The following CTTNBP2NL variants were observed in gnomAD, a reference collection of about 807,000 sequenced individuals.
The protein encoded by CTTNBP2NL is CTTNBP2 N-terminal-like protein.
Under a neutral mutation model 32.5 loss-of-function variants are expected in CTTNBP2NL, and 16 were observed. The observed-to-expected ratio is 0.49, with a 90% CI of 0.33 to 0.75. The LOEUF (loss-of-function observed/expected upper bound fraction) is 0.75, where lower values mean the gene tolerates loss of function less well. CTTNBP2NL is among the 30% of genes least tolerant of loss of function. CTTNBP2NL has a pLI of 0.02. For missense variants in CTTNBP2NL, 645 were observed against 756.0 expected (o/e 0.85, Z 1.72); for synonymous variants, 298 against 289.4 (o/e 1.03, Z -0.30).
intron 3 of CTTNBP2NL, among the ~76,000 whole-genome samples, chr1:112,419,844 T>C (rs1190575590): frequency 6.6e-6 from 1 of 152,208 alleles, no homozygotes; most frequent in East Asian, 1.9e-4. Flanking sequence ...CTAACAGTTC[T>C]TTGGCCAAAA....
chr1:112,392,578 GGTCTTTGCAGAT>G (rs1648212020), upstream of CTTNBP2NL, among the ~76,000 whole-genome samples: 1 of 152,088 alleles, frequency 6.6e-6, no homozygotes, highest in Non-Finnish European at 1.5e-5. Context: ...TTAGAAATAG[GGTCTTTGCAGAT>G]GTCATGAGTT....
intron 3 of CTTNBP2NL, among the ~76,000 whole-genome samples, chr1:112,420,227 C>T (rs2101005617): frequency 6.6e-6 from 1 of 151,194 alleles, no homozygotes; most frequent in South Asian, 2.1e-4. Flanking sequence ...CTCACTGCAG[C>T]CTCCGCCTCC....
At chr1:112,421,887 A>G (rs759190652) in intron 3 of CTTNBP2NL, among the ~76,000 whole-genome samples, 12 of 152,206 alleles carry the variant, frequency 7.9e-5, no homozygotes, top group African/African-American at 1.2e-4. Flanking sequence ...GGGATAATGC[A>G]GAAGCCTTCG....
Position 112,406,685 on chromosome 1 carries a change from A to G in CTTNBP2NL, c.-133-5509A>G, listed in dbSNP as rs114919355. Among the ~76,000 whole-genome samples the G allele has an allele frequency of 1.9e-3, 287 of 152,280 alleles. 2 individuals carry two copies. The highest frequency in any genetic ancestry group is 6.4e-3 in the African/African-American group (268 of 41,566). On this transcript the variant is annotated intron_variant, in intron 1 of 5. Coordinates refer to ENST00000271277, the MANE Select transcript of CTTNBP2NL (RefSeq NM_018704.3). Reference sequence around the variant, plus strand: ...TGTTTATCTTTTTTTCATTATTACTATTATTGTTTAAATTCTTCTTAGAAA... The same window carrying G: ...TGTTTATCTTTTTTTCATTATTACTGTTATTGTTTAAATTCTTCTTAGAAA...
At chr1:112,418,902 G>A (rs965061290) in intron 3 of CTTNBP2NL, among the ~76,000 whole-genome samples, 1 of 152,054 alleles carries the variant, frequency 6.6e-6, no homozygotes, top group Non-Finnish European at 1.5e-5. Context: ...ATTCCACATC[G>A]GGTATATTAC....
chr1:112,440,325 A>G (rs1649860294), intron 3 of CTTNBP2NL, among the ~76,000 whole-genome samples: 3 of 152,214 alleles, frequency 2.0e-5, no homozygotes, highest in Non-Finnish European at 2.9e-5. Context: ...AGTTAGTTTA[A>G]AATAAACAAT....
rs143148523 is a variant in CTTNBP2NL, at chr1:112,425,338, G to A, written c.99+9074G>A. ...GTACAAAAATTAGCCGGGCGAGGTG[G>A]CACACGCCTGTAGTCCCAGCCACTC... On this transcript the variant is annotated intron_variant, in intron 3 of 5. Transcript: ENST00000271277. Among the ~76,000 whole-genome samples, 1,063 of 151,948 alleles carry A rather than the reference G, an allele frequency of 7.0e-3. 11 individuals carry two copies. The highest frequency in any genetic ancestry group is 0.025 in the African/African-American group (1,020 of 41,464).
intron 3 of CTTNBP2NL, among the ~76,000 whole-genome samples, chr1:112,429,259 T>C (rs1649489687): frequency 6.6e-6 from 1 of 152,254 alleles, no homozygotes; most frequent in Admixed American, 6.5e-5. Context: ...TGTGTTTCAT[T>C]AAAAACTGTA....
At chr1:112,415,788 T>G (rs1178417352) in intron 2 of CTTNBP2NL, 1 of 230,338 alleles carries the variant, frequency 4.3e-6, no homozygotes, top group Non-Finnish European at 8.4e-6. Context: ...ATCTCCTGAC[T>G]TCGTGGTCCG....
At chr1:112,433,595 A>C (rs1480859863) in intron 3 of CTTNBP2NL, among the ~76,000 whole-genome samples, 4 of 152,176 alleles carry the variant, frequency 2.6e-5, no homozygotes. Context: ...CCATCTCAAA[A>C]AACAAACCAA....
intron 4 of CTTNBP2NL, among the ~76,000 whole-genome samples, chr1:112,450,930 T>A (rs1325428051): frequency 6.6e-6 from 1 of 152,102 alleles, no homozygotes; most frequent in South Asian, 2.1e-4. Flanking sequence ...ACCTAGAGGC[T>A]TATAATTAGG....
chr1:112,430,041 A>C (rs1557891471), intron 3 of CTTNBP2NL, among the ~76,000 whole-genome samples: 1 of 152,174 alleles, frequency 6.6e-6, no homozygotes, highest in Non-Finnish European at 1.5e-5. Context: ...AGGACAGGCT[A>C]TTCATATGTG....
Position 112,456,893 on chromosome 1 carries a change from G to T in CTTNBP2NL, c.1401G>T (p.Gln467His), listed in dbSNP as rs1165585495. The T allele has an allele frequency of 6.2e-7, 1 of 1,614,110 alleles. No homozygotes were observed. The highest frequency in any genetic ancestry group is 8.5e-7 in the Non-Finnish European group (1 of 1,180,026). ...TCCATGCAGCTCGCCACAAATTTCA[G>T]TCCCAAGCAGATCAGGACCAACAAG... The part of the protein sequence containing the change: ...QRFHAARHKF[Q>H]SQADQDQQAS... The change falls in exon 6 of 6, where the codon CAG (glutamine) becomes CAT (histidine). Residue 467 changes from glutamine (Q) to histidine (H), a missense_variant. Coordinates refer to ENST00000271277, the MANE Select transcript of CTTNBP2NL (RefSeq NM_018704.3).
chr1:112,414,319 A>C (rs2101000693), intron 2 of CTTNBP2NL, among the ~76,000 whole-genome samples: 1 of 151,850 alleles, frequency 6.6e-6, no homozygotes, highest in African/African-American at 2.4e-5. Context: ...AGCCGAAATC[A>C]CCCCACTGCA....
At chr1:112,425,417 G>A (rs1439242335) in intron 3 of CTTNBP2NL, among the ~76,000 whole-genome samples, 1 of 152,096 alleles carries the variant, frequency 6.6e-6, no homozygotes, top group Non-Finnish European at 1.5e-5. Context: ...GTTGCAGTGA[G>A]CTGAGATCGC....
intron 3 of CTTNBP2NL, among the ~76,000 whole-genome samples, chr1:112,425,257 G>A (rs1649359324): frequency 6.6e-6 from 1 of 152,072 alleles, no homozygotes; most frequent in Non-Finnish European, 1.5e-5. Context: ...GATCACCTGA[G>A]GTCAGGAGTT....
In CTTNBP2NL at chr1:112,456,601, A is replaced by G. The variant is rs1650372031; in HGVS notation, c.1109A>G (p.Asn370Ser). 1 of 1,614,086 alleles carries G rather than the reference A, an allele frequency of 6.2e-7. No homozygotes were observed. Among genetic ancestry groups the G allele is most frequent in the Non-Finnish European group, 8.5e-7 (1 of 1,180,016 alleles). ...RELTAGNNVENQVPPREKSVA... is the reference protein window; with the variant it reads ...RELTAGNNVESQVPPREKSVA... ...CTGACTGCAGGCAACAATGTAGAAAACCAGGTGCCTCCACGGGAAAAATCT... is the reference window on the plus strand; with the variant it reads ...CTGACTGCAGGCAACAATGTAGAAAGCCAGGTGCCTCCACGGGAAAAATCT... Residue 370 changes from asparagine (N) to serine (S), a missense_variant, in exon 6 of 6, where the codon AAC (asparagine) becomes AGC (serine). Coordinates refer to ENST00000271277, the MANE Select transcript of CTTNBP2NL (RefSeq NM_018704.3).
chr1:112,401,548 T>C (rs977666113), intron 1 of CTTNBP2NL, among the ~76,000 whole-genome samples: 2 of 152,204 alleles, frequency 1.3e-5, no homozygotes, highest in African/African-American at 2.4e-5. Flanking sequence ...TTAAGGGACT[T>C]TTAATGGTAA....
intron 3 of CTTNBP2NL, among the ~76,000 whole-genome samples, chr1:112,431,816 A>C (rs1421609605): frequency 6.6e-6 from 1 of 152,144 alleles, no homozygotes; most frequent in Admixed American, 6.6e-5. Flanking sequence ...TTTTATACAC[A>C]CAGACACCAC....
Sources: gnomAD v4.1 joint callset for allele counts (sites outside exome capture counted in the v4.1 genomes callset) on GRCh38, gnomAD v4.1.1 for gene constraint, MANE v1.5 for transcripts, NCBI Gene and HGNC (gene_info 2026-07-23, HGNC 2026-07-21) for gene names.